DIP2C: variants seen among roughly 807,000 people sequenced by gnomAD.
The protein encoded by DIP2C is DIP2 acetate--CoA ligase C (putative), also known as disco-interacting protein 2 homolog C.
In DIP2C, 33 loss-of-function variants were observed where a neutral mutation model predicts 192.4. The ratio of observed to expected loss-of-function variants is 0.17; its 90% CI spans 0.13 to 0.23. The LOEUF (loss-of-function observed/expected upper bound fraction) is 0.23. Among genes scored for constraint, DIP2C ranks in the 10% least tolerant of loss-of-function variants. The probability of loss-of-function intolerance (pLI) is 1.00; values close to 1 mark genes in which losing one functional copy is unlikely to be tolerated. For synonymous variants in DIP2C, 979 were observed against 864.1 expected (o/e 1.13, Z -2.33); for missense variants, 1,537 against 2,110.1 (o/e 0.73, Z 5.32).
rs1850310997 is a variant in DIP2C, at chr10:578,318, A to G, written c.86-91788T>C. On this transcript the variant is annotated intron_variant, in intron 1 of 36. Transcript: ENST00000280886. ...AAGGCAGTAAATACTCCACGAATAA[A>G]GAACAGTAGAAAATGAACACGTTTC... is the stretch of plus-strand genomic sequence containing the variant. 2.0e-5 allele frequency among the ~76,000 whole-genome samples: 3 copies of G among 152,244 alleles called. 1 individual carries two copies. In the South Asian group the frequency reaches 6.2e-4, roughly 32 times the overall value.
chr10:356,324 G>A (rs1391144490), intron 24 of DIP2C, 102 bp downstream of exon 24: 2 of 1,312,876 alleles, frequency 1.5e-6, no homozygotes, highest in Non-Finnish European at 1.1e-6. Flanking sequence ...ATTCCCATAA[G>A]ACTGAAGCAA....
intron 22 of DIP2C, among the ~76,000 whole-genome samples, chr10:359,402 A>G (rs1481547780): frequency 6.6e-6 from 1 of 152,142 alleles, no homozygotes; most frequent in African/African-American, 2.4e-5. Flanking sequence ...CTATGAGCAG[A>G]TGTCTGGGCT....
chr10:602,606 A>G (rs1852164453), intron 1 of DIP2C, among the ~76,000 whole-genome samples: 1 of 152,164 alleles, frequency 6.6e-6, no homozygotes. Context: ...CCAGATCTGC[A>G]GGCACCTTGA....
chr10:393,028 G>A (rs1342153586), intron 10 of DIP2C, among the ~76,000 whole-genome samples: 1 of 152,166 alleles, frequency 6.6e-6, no homozygotes, highest in East Asian at 1.9e-4. Flanking sequence ...GACGGGACCC[G>A]GCTGCACCTG....
At chr10:531,464 ATGT>A (rs1470288284) in intron 1 of DIP2C, among the ~76,000 whole-genome samples, 1 of 152,122 alleles carries the variant, frequency 6.6e-6, no homozygotes, top group Non-Finnish European at 1.5e-5. Context: ...TCTCATGGTC[ATGT>A]TGTTAACAAC....
At chr10:399,494 T>A (rs997559428) in intron 9 of DIP2C, among the ~76,000 whole-genome samples, 2 of 152,214 alleles carry the variant, frequency 1.3e-5, no homozygotes, top group Non-Finnish European at 2.9e-5. Flanking sequence ...CGTTTCCACA[T>A]AGATGAAGTT....
chr10:335,752 C>T (rs1281961129), intron 29 of DIP2C, among the ~76,000 whole-genome samples: 1 of 152,222 alleles, frequency 6.6e-6, no homozygotes, highest in Non-Finnish European at 1.5e-5. Flanking sequence ...CTGGTTCAGG[C>T]TTTTCCACCA....
At chr10:675,540 GA>G (rs1360511845) in intron 1 of DIP2C, among the ~76,000 whole-genome samples, 2 of 149,286 alleles carry the variant, frequency 1.3e-5, no homozygotes, top group Admixed American at 6.6e-5. Flanking sequence ...GCTACACTAA[GA>G]AAAAAAAAGA....
intron 17 of DIP2C, among the ~76,000 whole-genome samples, chr10:375,036 G>T (rs1292267973): frequency 6.6e-6 from 1 of 152,180 alleles, no homozygotes; most frequent in African/African-American, 2.4e-5. Flanking sequence ...CTCTCTTGGA[G>T]ATATGGAAGG....
intron 1 of DIP2C, among the ~76,000 whole-genome samples, chr10:593,433 A>G (rs1016533364): frequency 6.7e-6 from 1 of 149,304 alleles, no homozygotes; most frequent in Non-Finnish European, 1.5e-5. Flanking sequence ...GCTGTCTCCC[A>G]GCAGACCCCA....
intron 4 of DIP2C, chr10:430,565 A>G (rs1966847511): frequency 6.6e-6 from 1 of 152,190 alleles, no homozygotes; most frequent in East Asian, 1.9e-4. Flanking sequence ...AGTTCCTTGT[A>G]TATTTCAAAT....
intron 1 of DIP2C, among the ~76,000 whole-genome samples, chr10:498,244 ATGC>A (rs763106449): frequency 2.0e-5 from 3 of 152,190 alleles, no homozygotes; most frequent in Non-Finnish European, 4.4e-5. Context: ...GGCTGCAGTG[ATGC>A]TGCTGCTGTT....
At position 652,068 on chromosome 10, in the gene DIP2C, CA is replaced by C. The variant is rs1165091270; in HGVS notation, c.85+37425del. ...AAAAATTCACATATAAGTTGACCCA[CA>C]AAGCTCAAGCTTGTGTGGTACAAGA... On this transcript the variant is annotated intron_variant, in intron 1 of 36. Transcript: ENST00000280886. This position sits in a 1 kb window ranked among gnomAD's most constrained non-coding sequence, Gnocchi z 4.5. 1 of 157,852 alleles carries C rather than the reference CA, an allele frequency of 6.3e-6. No individual in the cohort carries two copies. Among genetic ancestry groups the C allele is most frequent in the African/African-American group, 2.4e-5 (1 of 41,484 alleles). The allele number at this position is 157,852 out of a possible 1,614,324, so 9.8% of individuals were successfully genotyped here.
At chr10:577,836 T>TTTA (rs1044724761) in intron 1 of DIP2C, among the ~76,000 whole-genome samples, 1 of 151,494 alleles carries the variant, frequency 6.6e-6, no homozygotes, top group African/African-American at 2.4e-5. Context: ...TTTTTTTTTT[T>TTTA]AACCACAAAA....
At position 313,532 on chromosome 10, in the gene DIP2C, TACA is replaced by T. The variant is rs144234823; in HGVS notation, c.3925-3443_3925-3441del. Among the ~76,000 whole-genome samples, 422 of 152,282 alleles carry T rather than the reference TACA, an allele frequency of 2.8e-3. 8 individuals are homozygous for T. Among genetic ancestry groups the T allele is most frequent in the African/African-American group, 9.8e-3 (409 of 41,566 alleles). On this transcript the variant is annotated intron_variant, in intron 31 of 36. Transcript: ENST00000280886. ...TGTCATAATTCTCTGAATGATACAGTACAACTATTTACACAGCATTTACATCGT... is the reference window on the plus strand; with the variant it reads ...TGTCATAATTCTCTGAATGATACAGTACTATTTACACAGCATTTACATCGT...
chr10:537,639 T>C (rs985617966), intron 1 of DIP2C, among the ~76,000 whole-genome samples: 6 of 151,794 alleles, frequency 4.0e-5, no homozygotes, highest in Non-Finnish European at 8.8e-5. Flanking sequence ...CAGGCTTGTG[T>C]TTCCCCCATT....
At chr10:539,398 G>T (rs1247369979) in intron 1 of DIP2C, among the ~76,000 whole-genome samples, 1 of 152,124 alleles carries the variant, frequency 6.6e-6, no homozygotes, top group Non-Finnish European at 1.5e-5. Context: ...GCAAGTACAT[G>T]GTATAGGTGT....
At chr10:421,693 A>G (rs1375095708) in intron 5 of DIP2C, among the ~76,000 whole-genome samples, 1 of 152,094 alleles carries the variant, frequency 6.6e-6, no homozygotes, top group Non-Finnish European at 1.5e-5. Context: ...GAGTATTTCT[A>G]TTTTCTCCTT....
intron 17 of DIP2C, among the ~76,000 whole-genome samples, chr10:374,746 G>A (rs1179751747): frequency 1.3e-5 from 2 of 152,184 alleles, no homozygotes; most frequent in East Asian, 3.8e-4. Context: ...TCAACACCTT[G>A]CTAAGAAGTA....
Sources: gnomAD v4.1 joint callset for allele counts (sites outside exome capture counted in the v4.1 genomes callset) on GRCh38, gnomAD v4.1.1 for gene constraint, Gnocchi (gnomAD v3.1) non-coding constraint, MANE v1.5 for transcripts, NCBI Gene and HGNC (gene_info 2026-07-23, HGNC 2026-07-21) for gene names.